Variants in ANKRD44 observed in about 807,000 individuals in gnomAD.
ANKRD44 encodes serine/threonine-protein phosphatase 6 regulatory ankyrin repeat subunit B.
Under a neutral mutation model 116.0 loss-of-function variants are expected in ANKRD44, and 35 were observed. The observed-to-expected ratio is 0.30, with a 90% CI of 0.23 to 0.40. ANKRD44 has a LOEUF of 0.40. Among genes scored for constraint, ANKRD44 ranks in the 10% least tolerant of loss-of-function variants. ANKRD44 has a pLI of 1.00. For synonymous variants in ANKRD44, 435 were observed against 461.8 expected, an observed-to-expected ratio of 0.94 and a Z score of 0.74; for missense variants, 1,014 against 1,242.6, an observed-to-expected ratio of 0.82 and a Z score of 2.77.
chr2:197,118,777 C>T (rs146388342), intron 8 of ANKRD44, among the ~76,000 whole-genome samples: 2 of 152,304 alleles, frequency 1.3e-5, no homozygotes, highest in East Asian at 3.9e-4. Flanking sequence ...CATCTACACA[C>T]ATAACCATAA....
In ANKRD44 at chr2:197,049,863, A is replaced by G. The variant is rs190071210; in HGVS notation, c.1651-24596T>C. ...CCTGGGGTACCTTTTCAGTTTTAAC[A>G]CATATTACTCTTCCTTCTAAGCTAA... is the stretch of plus-strand genomic sequence containing the variant. On this transcript the variant is annotated intron_variant, in intron 16 of 27. Transcript: ENST00000282272. Among the ~76,000 whole-genome samples, 523 of 152,250 alleles carry G rather than the reference A, an allele frequency of 3.4e-3. 13 individuals are homozygous for G. Among genetic ancestry groups the G allele is most frequent in the Non-Finnish European group, 1.3e-3 (88 of 68,028 alleles).
chr2:196,982,840 T>C (rs1320801561), downstream of ANKRD44, among the ~76,000 whole-genome samples: 3 of 152,156 alleles, frequency 2.0e-5, no homozygotes, highest in African/African-American at 7.2e-5. Context: ...TAGAATACTA[T>C]GCAGCCATAA....
chr2:197,110,445 C>T (rs1391010363), intron 9 of ANKRD44, among the ~76,000 whole-genome samples: 1 of 152,174 alleles, frequency 6.6e-6, no homozygotes, highest in East Asian at 1.9e-4. Context: ...AAAATGAATG[C>T]TACTTACCTT....
In ANKRD44 at chr2:197,110,770, C is replaced by T. The variant is rs374247170; in HGVS notation, c.981G>A (p.Gln327=). 3.7e-6 allele frequency: 6 copies of T among 1,612,944 alleles called. No homozygotes were observed. The African/African-American group carries it at 5.3e-5, about 14-fold the overall frequency. The part of the protein sequence containing the change: ...GRFTRSQTLI[Q]NGGEIDCVDK... ...CTACTGAAGCATCTCTCTTACCATTCTGAATGAGGGTCTGTGACCGTGTGA... is the reference window on the plus strand; with the variant it reads ...CTACTGAAGCATCTCTCTTACCATTTTGAATGAGGGTCTGTGACCGTGTGA... Residue 327 remains glutamine (Q), a synonymous_variant, in exon 9 of 28, where the codon CAG becomes CAA. Coordinates refer to ENST00000282272, the MANE Select transcript of ANKRD44 (RefSeq NM_001195144.2).
intron 16 of ANKRD44, among the ~76,000 whole-genome samples, chr2:197,055,540 C>T (rs1267603306): frequency 6.6e-6 from 1 of 152,168 alleles, no homozygotes; most frequent in Non-Finnish European, 1.5e-5. Context: ...AAGATGTTCT[C>T]TTACGCTTAC....
intron 1 of ANKRD44, among the ~76,000 whole-genome samples, chr2:197,269,186 T>C (rs2082823934): frequency 6.6e-6 from 1 of 152,176 alleles, no homozygotes; most frequent in African/African-American, 2.4e-5. Flanking sequence ...TTCAAAAAAG[T>C]TTTTTAACTG....
chr2:197,108,706 G>A (rs1574471583), intron 9 of ANKRD44, among the ~76,000 whole-genome samples: 1 of 152,102 alleles, frequency 6.6e-6, no homozygotes, highest in African/African-American at 2.4e-5. Context: ...TGGGCATGGT[G>A]GCACACCTGT....
chr2:197,098,510 A>C (rs912349653), intron 10 of ANKRD44, among the ~76,000 whole-genome samples: 7 of 152,214 alleles, frequency 4.6e-5, no homozygotes, highest in Non-Finnish European at 7.3e-5. Flanking sequence ...CTAAAAATTT[A>C]GTTATTGTTA....
chr2:197,150,324 G>A lies in ANKRD44; in HGVS notation c.112-3219C>T, dbSNP rs995897958. ...AGCACTTTGGGAGGCTGAGGTGGGC[G>A]GATCACAAGTTCAGGAGATTGAGAC... On this transcript the variant is annotated intron_variant, in intron 2 of 27. Transcript: ENST00000282272. Among the ~76,000 whole-genome samples, 148 of 152,220 alleles carry A rather than the reference G, an allele frequency of 9.7e-4. 1 individual carries two copies. The highest frequency in any genetic ancestry group is 1.4e-3 in the Non-Finnish European group (92 of 68,018).
intron 1 of ANKRD44, among the ~76,000 whole-genome samples, chr2:197,294,009 A>G (rs1008193045): frequency 3.9e-5 from 6 of 152,194 alleles, no homozygotes; most frequent in Admixed American, 3.9e-4. Context: ...CCTCAGACTG[A>G]GCCAGAAAAA....
intron 27 of ANKRD44, chr2:196,990,925 G>A (rs1016316874): frequency 1.8e-5 from 22 of 1,232,334 alleles, no homozygotes; most frequent in Non-Finnish European, 2.1e-5. Context: ...GCCGGGGTAT[G>A]ACCTGGGCGT....
At chr2:197,297,625 C>T (rs149917293) in intron 1 of ANKRD44, among the ~76,000 whole-genome samples, 85 of 152,268 alleles carry the variant, frequency 5.6e-4, no homozygotes, top group African/African-American at 1.9e-3. Context: ...TTAGGAGTAG[C>T]GCTGTGCACA....
intron 16 of ANKRD44, among the ~76,000 whole-genome samples, chr2:197,071,319 T>C (rs749035851): frequency 4.6e-5 from 7 of 152,234 alleles, no homozygotes; most frequent in Non-Finnish European, 8.8e-5. Flanking sequence ...TCTTTTCTGA[T>C]GTAACCATTT....
chr2:197,276,829 C>T (rs1237030497), intron 1 of ANKRD44, among the ~76,000 whole-genome samples: 2 of 152,116 alleles, frequency 1.3e-5, no homozygotes, highest in Non-Finnish European at 2.9e-5. Context: ...GTCTGAGGCC[C>T]ACCCACAGCA....
intron 16 of ANKRD44, among the ~76,000 whole-genome samples, chr2:197,069,199 G>GA (rs1277066166): frequency 6.7e-6 from 1 of 149,272 alleles, no homozygotes; most frequent in South Asian, 2.1e-4. Context: ...ATCACAAGGA[G>GA]AAAAAAACCA....
intron 16 of ANKRD44, among the ~76,000 whole-genome samples, chr2:197,072,677 T>C (rs901375573): frequency 2.6e-5 from 4 of 152,330 alleles, no homozygotes; most frequent in Admixed American, 1.3e-4. Context: ...ACCTAATGCC[T>C]TATAAGTTGA....
chr2:197,181,645 G>T (rs998520147), intron 2 of ANKRD44, among the ~76,000 whole-genome samples: 5 of 152,208 alleles, frequency 3.3e-5, no homozygotes, highest in African/African-American at 1.2e-4. Flanking sequence ...AGGGTCACAA[G>T]ATAGGAGAAT....
chr2:196,986,234 T>C (rs2075836146), downstream of ANKRD44, among the ~76,000 whole-genome samples: 1 of 152,054 alleles, frequency 6.6e-6, no homozygotes, highest in Admixed American at 6.6e-5. Context: ...CTGGGCAATA[T>C]AGTGAGACCC....
intron 1 of ANKRD44, among the ~76,000 whole-genome samples, chr2:197,253,187 T>C (rs1341900376): frequency 2.0e-5 from 3 of 152,358 alleles, no homozygotes; most frequent in Admixed American, 1.3e-4. Context: ...CAAGCTTTTC[T>C]TTAACGTCTT....
Sources: allele counts gnomAD v4.1 joint callset (sites outside exome capture counted in the v4.1 genomes callset), GRCh38; gene constraint gnomAD v4.1.1; transcripts MANE v1.5; gene names NCBI Gene and HGNC (gene_info 2026-07-23, HGNC 2026-07-21).